SV2C: variants seen among roughly 807,000 people sequenced by gnomAD.
SV2C encodes solute carrier family 22 member B3.
A neutral mutation model predicts 79.7 loss-of-function variants in SV2C; 49 were observed. That is an observed-to-expected ratio of 0.61 (90% CI 0.49 to 0.78). SV2C has a LOEUF of 0.78. Ranked by LOEUF, SV2C falls within the 30% of genes least tolerant of loss-of-function variation. SV2C has a pLI of 0.00. For synonymous variants in SV2C, 334 were observed against 333.2 expected (o/e 1.00, Z -0.03); for missense variants, 833 against 912.9 (o/e 0.91, Z 1.13).
At chr5:76,171,582 G>A (rs1253981644) in intron 2 of SV2C, among the ~76,000 whole-genome samples, 1 of 145,162 alleles carries the variant, frequency 6.9e-6, no homozygotes, top group Non-Finnish European at 1.6e-5. Flanking sequence ...GTCTCCGCCG[G>A]GCAGCCACCC....
chr5:76,086,481 C>T lies in SV2C; in HGVS notation c.-102+2969C>T, dbSNP rs114668156. Among the ~76,000 whole-genome samples the T allele has an allele frequency of 7.6e-3, 1,158 of 152,300 alleles. 18 individuals carry two copies. Among genetic ancestry groups the T allele is most frequent in the African/African-American group, 0.026 (1,095 of 41,548 alleles). ...TGCCTCTTTTTCTGTGCAGCTATAT[C>T]AAGGGAAAACCTTCAATACACCAGC... On this transcript the variant is annotated intron_variant, in intron 1 of 12. Transcript: ENST00000502798.
At chr5:75,925,277 A>G in the SV2C span, among the ~76,000 whole-genome samples, 1 of 152,306 alleles carries the variant, frequency 6.6e-6, no homozygotes, top group South Asian at 2.1e-4. Flanking sequence ...AGCACCTCTG[A>G]CCCCAGGAAA....
At chr5:75,925,439 CCAGTACCATACACCATATA>C in the SV2C span, among the ~76,000 whole-genome samples, 1 of 152,146 alleles carries the variant, frequency 6.6e-6, no homozygotes, top group African/African-American at 2.4e-5. Flanking sequence ...ATGGAACGGG[CCAGTACCATACACCATATA>C]GGTAGCTGGC....
chr5:75,911,390 A>G, the SV2C span: 6 of 1,165,050 alleles, frequency 5.1e-6, no homozygotes, highest in Non-Finnish European at 7.5e-6. Context: ...AAGAGAACCT[A>G]TATCCAGAGG....
chr5:76,072,690 T>C, the SV2C span, among the ~76,000 whole-genome samples: 1 of 152,204 alleles, frequency 6.6e-6, no homozygotes, highest in African/African-American at 2.4e-5. Context: ...CCACATTTTT[T>C]CCATAGTGAT....
the SV2C span, among the ~76,000 whole-genome samples, chr5:75,915,203 A>C: frequency 9.8e-5 from 15 of 152,292 alleles, no homozygotes; most frequent in East Asian, 2.9e-3. Flanking sequence ...GAACATACTG[A>C]GGCATAGAGA....
the SV2C span, among the ~76,000 whole-genome samples, chr5:76,022,576 A>C: frequency 6.6e-6 from 1 of 152,130 alleles, no homozygotes; most frequent in Non-Finnish European, 1.5e-5. Context: ...AACACCCACA[A>C]TGGCTGACCT....
intron 2 of SV2C, chr5:76,173,517 C>T (rs1241857417): frequency 1.9e-6 from 2 of 1,069,476 alleles, no homozygotes; most frequent in African/African-American, 3.1e-5. Context: ...GGTACCACCA[C>T]AGGAAAGTCC....
At chr5:75,903,263 T>G in the SV2C span, among the ~76,000 whole-genome samples, 1 of 152,036 alleles carries the variant, frequency 6.6e-6, no homozygotes, top group African/African-American at 2.4e-5. Context: ...TGTGTACACA[T>G]GCATAACTGA....
At chr5:76,152,166 G>A (rs1244915665) in intron 2 of SV2C, among the ~76,000 whole-genome samples, 2 of 152,208 alleles carry the variant, frequency 1.3e-5, no homozygotes, top group Non-Finnish European at 2.9e-5. Flanking sequence ...ACAGGCAGTG[G>A]CCATGAGAAA....
At chr5:76,349,264 C>A (rs1749602132) in intron 12 of SV2C, among the ~76,000 whole-genome samples, 1 of 152,248 alleles carries the variant, frequency 6.6e-6, no homozygotes, top group South Asian at 2.1e-4. Flanking sequence ...GTAATCCCAG[C>A]ACTTTGGGAG....
chr5:76,291,282 G>A lies in SV2C; in HGVS notation c.1199G>A (p.Gly400Glu), dbSNP rs761992941. 1.2e-6 allele frequency: 2 copies of A among 1,613,268 alleles called. No individual in the cohort carries two copies. Among genetic ancestry groups the A allele is most frequent in the South Asian group, 2.2e-5 (2 of 90,956 alleles). Residue 400 changes from glycine (G) to glutamate (E), a missense_variant, in exon 7 of 13, where the codon GGA becomes GAA. Gly to Glu is a moderately conservative substitution (Grantham distance 98, BLOSUM62 -2). Coordinates refer to ENST00000502798, the MANE Select transcript of SV2C (RefSeq NM_014979.4). ...CTGATTGAAATTGAGAGTGACACAG[G>A]AACATGGTATAGGAGGTGTTTTGTT... ...DELIEIESDT[G>E]TWYRRCFVRI...
intron 4 of SV2C, among the ~76,000 whole-genome samples, chr5:76,246,762 C>A (rs1457670110): frequency 1.3e-5 from 2 of 152,308 alleles, no homozygotes; most frequent in African/African-American, 4.8e-5. Context: ...CCCATAGACA[C>A]TAAGACTCAG....
chr5:76,017,629 A>G, the SV2C span, among the ~76,000 whole-genome samples: 1 of 152,156 alleles, frequency 6.6e-6, no homozygotes, highest in Non-Finnish European at 1.5e-5. Flanking sequence ...TAATCTCCAT[A>G]GTGTAGGTTA....
the SV2C span, among the ~76,000 whole-genome samples, chr5:75,852,175 G>A: frequency 5.9e-5 from 9 of 152,104 alleles, no homozygotes; most frequent in Non-Finnish European, 1.3e-4. Context: ...GTGGTGGGGG[G>A]CTGGGGGAGG....
the SV2C span, among the ~76,000 whole-genome samples, chr5:76,026,201 AACACACACACACAC>A: frequency 7.1e-4 from 99 of 140,138 alleles, no homozygotes; most frequent in African/African-American, 2.0e-3. Context: ...CAAATTTACA[AACACACACACACAC>A]ACACACACAC....
Position 76,193,395 on chromosome 5 carries a change from C to G in SV2C, c.581-1524C>G, listed in dbSNP as rs11951208. 1.1e-3 allele frequency among the ~76,000 whole-genome samples: 170 copies of G among 152,244 alleles called. 2 individuals carry two copies. Among genetic ancestry groups the G allele is most frequent in the Admixed American group, 4.3e-3 (66 of 15,288 alleles). On this transcript the variant is annotated intron_variant, in intron 2 of 12. Transcript: ENST00000502798. ...GTTAACCTGCCTTGCCCCAAGATCT[C>G]AGATGCATTTTCTTTAAACACAACA...
intron 3 of SV2C, among the ~76,000 whole-genome samples, chr5:76,196,352 A>G (rs924252133): frequency 1.4e-4 from 21 of 151,622 alleles, no homozygotes; most frequent in East Asian, 5.8e-4. Flanking sequence ...GTTCTTGGGG[A>G]AAAAAAAATG....
At chr5:75,977,467 A>G in the SV2C span, among the ~76,000 whole-genome samples, 4 of 152,176 alleles carry the variant, frequency 2.6e-5, no homozygotes, top group Non-Finnish European at 4.4e-5. Context: ...TGGAACTCCT[A>G]TTTTATGGAT....
Sources: gnomAD v4.1 joint callset for allele counts (sites outside exome capture counted in the v4.1 genomes callset) on GRCh38, gnomAD v4.1.1 for gene constraint, MANE v1.5 for transcripts, NCBI Gene and HGNC (gene_info 2026-07-23, HGNC 2026-07-21) for gene names.